The following ASAP1 variants were observed in gnomAD, a reference collection of about 807,000 sequenced individuals.
ASAP1 encodes arf-GAP with SH3 domain, ANK repeat and PH domain-containing protein 1.
ASAP1 carries 43 observed loss-of-function variants against 145.2 expected under a neutral mutation model. The observed-to-expected ratio is 0.30, with a 90% CI of 0.23 to 0.38. The LOEUF is 0.38. ASAP1 is among the 10% of genes least tolerant of loss of function. The probability of loss-of-function intolerance (pLI) is 1.00; values close to 1 mark genes in which losing one functional copy is unlikely to be tolerated. For missense variants in ASAP1, 1,018 were observed against 1,355.3 expected (o/e 0.75, Z 3.91); for synonymous variants, 546 against 515.5 (o/e 1.06, Z -0.80).
chr8:130,387,445 A>ACCCAGGAGGTG (rs1828070247), intron 2 of ASAP1, among the ~76,000 whole-genome samples: 1 of 152,018 alleles, frequency 6.6e-6, no homozygotes, highest in Non-Finnish European at 1.5e-5. Flanking sequence ...CTGAGGCAGG[A>ACCCAGGAGGTG]GAATCACTTG....
intron 1 of ASAP1, among the ~76,000 whole-genome samples, chr8:130,432,408 T>C (rs1830169732): frequency 6.6e-6 from 1 of 152,166 alleles, no homozygotes; most frequent in South Asian, 2.1e-4. Context: ...GTTCTTCATT[T>C]TGGAAGAGAA....
chr8:130,186,770 G>A (rs1225319164), intron 7 of ASAP1, among the ~76,000 whole-genome samples: 1 of 152,158 alleles, frequency 6.6e-6, no homozygotes, highest in African/African-American at 2.4e-5. Flanking sequence ...TAAACAGAGA[G>A]TAAAGCTGTA....
intron 3 of ASAP1, among the ~76,000 whole-genome samples, chr8:130,266,584 C>G (rs941124423): frequency 6.6e-6 from 1 of 151,984 alleles, no homozygotes; most frequent in Non-Finnish European, 1.5e-5. Context: ...AGAAAGCCCT[C>G]CTGATAACGA....
At chr8:130,395,336 C>T (rs1029985644) in intron 2 of ASAP1, among the ~76,000 whole-genome samples, 1 of 152,220 alleles carries the variant, frequency 6.6e-6, no homozygotes, top group African/African-American at 2.4e-5. Flanking sequence ...ACCCCCTCAT[C>T]CATGAATGTG....
In ASAP1 at chr8:130,317,864, A is replaced by C. The variant is rs578172120; in HGVS notation, c.186+40153T>G. ...ATGAGCTGAGACCTGATACAGCAGC[A>C]AGAAGGACCCTATAATCCTGAGGAG... On this transcript the variant is annotated intron_variant, in intron 3 of 29. Coordinates refer to ENST00000518721, the MANE Select transcript of ASAP1 (RefSeq NM_018482.4). 2.0e-5 allele frequency among the ~76,000 whole-genome samples: 3 copies of C among 152,358 alleles called. No individual in the cohort carries two copies. The East Asian group carries it at 5.8e-4, about 29-fold the overall frequency.
At chr8:130,283,284 C>A (rs1005996020) in intron 3 of ASAP1, among the ~76,000 whole-genome samples, 9 of 151,874 alleles carry the variant, frequency 5.9e-5, no homozygotes, top group African/African-American at 2.2e-4. Context: ...AACAAACAAA[C>A]AAAAACCAAA....
rs200548543 is a variant in ASAP1 at position 130,285,824 on chromosome 8, C to CT, written c.187-48831dup. ...TTTCCGCCTCTGGTTTCTGATGTAACTTTATCACGTTCTGTTCCTGCTGAG... is the reference window on the plus strand; with the variant it reads ...TTTCCGCCTCTGGTTTCTGATGTAACTTTTATCACGTTCTGTTCCTGCTGAG... On this transcript the variant is annotated intron_variant, in intron 3 of 29. Transcript: ENST00000518721. 2.5e-3 allele frequency among the ~76,000 whole-genome samples: 382 copies of CT among 152,292 alleles called. 2 individuals are homozygous for CT. The Middle Eastern group carries it at 0.037, about 15-fold the overall frequency.
intron 3 of ASAP1, among the ~76,000 whole-genome samples, chr8:130,344,968 T>G (rs1027210085): frequency 6.6e-6 from 1 of 152,164 alleles, no homozygotes; most frequent in South Asian, 2.1e-4. Flanking sequence ...TGACAAAACA[T>G]CTCCAGCATA....
chr8:130,254,059 T>A (rs971486715), intron 3 of ASAP1, among the ~76,000 whole-genome samples: 1 of 152,128 alleles, frequency 6.6e-6, no homozygotes, highest in Non-Finnish European at 1.5e-5. Context: ...CTTGGTCCTA[T>A]ACATACAGAA....
At chr8:130,244,862 T>C (rs1176482744) in intron 3 of ASAP1, among the ~76,000 whole-genome samples, 6 of 152,102 alleles carry the variant, frequency 3.9e-5, no homozygotes, top group Non-Finnish European at 5.9e-5. Context: ...CTGACACTCC[T>C]CTTGGAACAA....
intron 12 of ASAP1, among the ~76,000 whole-genome samples, chr8:130,155,495 T>C (rs1240872894): frequency 6.6e-6 from 1 of 152,088 alleles, no homozygotes; most frequent in East Asian, 1.9e-4. Flanking sequence ...GCCTCCTGAG[T>C]AGCTGGGCCT....
chr8:130,357,916 C>T (rs1319638790), intron 3 of ASAP1, 101 bp downstream of exon 3: 11 of 1,463,622 alleles, frequency 7.5e-6, no homozygotes, highest in Non-Finnish European at 2.7e-6. Context: ...GTGTGGCGCC[C>T]CCGGCCCCCG....
chr8:130,391,377 C>T (rs1828277320), intron 2 of ASAP1, among the ~76,000 whole-genome samples: 1 of 152,184 alleles, frequency 6.6e-6, no homozygotes, highest in African/African-American at 2.4e-5. Context: ...GGTTGCACAA[C>T]AATGTGAACA....
intron 1 of ASAP1, among the ~76,000 whole-genome samples, chr8:130,442,461 A>G (rs1057457949): frequency 3.3e-5 from 5 of 152,208 alleles, no homozygotes; most frequent in African/African-American, 9.7e-5. Context: ...TGCAAAACAG[A>G]AAGGCTTTGG....
rs369370292 is a variant in ASAP1 at position 130,228,309 on chromosome 8, T to A, written c.259+8613A>T. On this transcript the variant is annotated intron_variant, in intron 4 of 29. Coordinates refer to ENST00000518721, the MANE Select transcript of ASAP1 (RefSeq NM_018482.4). ...ACTAGGCTTCTCCACTTCAGAACTCTGGGAAAAAGCATCACCCTCAAATGT... is the reference window on the plus strand; with the variant it reads ...ACTAGGCTTCTCCACTTCAGAACTCAGGGAAAAAGCATCACCCTCAAATGT... Among the ~76,000 whole-genome samples the A allele has an allele frequency of 4.2e-4, 64 of 152,114 alleles. 2 individuals are homozygous for A. In the South Asian group the frequency reaches 0.012, roughly 29 times the overall value.
rs1419003357 is a variant in ASAP1 at position 130,214,498 on chromosome 8, A to G, written c.405+58T>C. The G allele has an allele frequency of 2.7e-6, 4 of 1,479,374 alleles. No homozygotes were observed. The African/African-American group carries it at 5.7e-5, about 21-fold the overall frequency. The allele number at this position is 1,479,374 out of a possible 1,614,324, so 91.6% of individuals were successfully genotyped here. On this transcript the variant is annotated intron_variant, in intron 5 of 29. Coordinates refer to ENST00000518721, the MANE Select transcript of ASAP1 (RefSeq NM_018482.4). ...GAAGGATTATTGAAATGTTCTCTAT[A>G]TGACGTAATATTTTGGAAAGGCTGT... is the stretch of plus-strand genomic sequence containing the variant.
At chr8:130,166,684 C>A (rs2097680475) in intron 11 of ASAP1, among the ~76,000 whole-genome samples, 1 of 151,992 alleles carries the variant, frequency 6.6e-6, no homozygotes, top group Non-Finnish European at 1.5e-5. Context: ...AAGCTTAGTA[C>A]CTAGAACTGT....
chr8:130,338,961 G>A (rs1586859344), intron 3 of ASAP1, among the ~76,000 whole-genome samples: 1 of 152,318 alleles, frequency 6.6e-6, no homozygotes, highest in Non-Finnish European at 1.5e-5. Flanking sequence ...CAAGATGGGG[G>A]CAGAGTAACA....
chr8:130,259,839 G>A (rs1819785568), intron 3 of ASAP1, among the ~76,000 whole-genome samples: 1 of 152,254 alleles, frequency 6.6e-6, no homozygotes, highest in South Asian at 2.1e-4. Flanking sequence ...TCTAAGACAA[G>A]CAAACTGTAC....
Sources: gnomAD v4.1 joint callset for allele counts (sites outside exome capture counted in the v4.1 genomes callset) on GRCh38, gnomAD v4.1.1 for gene constraint, MANE v1.5 for transcripts, NCBI Gene and HGNC (gene_info 2026-07-23, HGNC 2026-07-21) for gene names.